Variants in C17orf99 observed in about 807,000 individuals in gnomAD.
The protein encoded by C17orf99 is chromosome 17 open reading frame 99.
Under a neutral mutation model 22.6 loss-of-function variants are expected in C17orf99, and 18 were observed. That is an observed-to-expected ratio of 0.80 (90% CI 0.55 to 1.18). The LOEUF (loss-of-function observed/expected upper bound fraction) is 1.18, where lower values mean the gene tolerates loss of function less well. Among genes scored for constraint, C17orf99 ranks in the 50% most tolerant of loss-of-function variants. The pLI, the probability that C17orf99 is intolerant of heterozygous loss-of-function variation, is 0.00. For synonymous variants in C17orf99, 147 were observed against 136.6 expected (o/e 1.08, Z -0.53); for missense variants, 328 against 342.7 (o/e 0.96, Z 0.34).
rs773009135 is a variant in C17orf99, at chr17:78,146,401, C to A, written c.-7C>A. 17 of 1,550,244 alleles carry A rather than the reference C, an allele frequency of 1.1e-5. No individual in the cohort carries two copies. In the South Asian group the frequency reaches 1.3e-4, roughly 12 times the overall value. On this transcript the variant is annotated 5_prime_UTR_variant, in exon 1 of 5. Coordinates refer to ENST00000340363, the MANE Select transcript of C17orf99 (RefSeq NM_001163075.2). The surrounding 1 kb of genome is among the most constrained non-coding windows in gnomAD (Gnocchi z 5.2). ...TGCCCGAGCAGAGGCCCTACACCCACCGAGGCATGGGGCTCCCTGGGCTGT... is the reference window on the plus strand; with the variant it reads ...TGCCCGAGCAGAGGCCCTACACCCAACGAGGCATGGGGCTCCCTGGGCTGT...
intron 2 of C17orf99, among the ~76,000 whole-genome samples, chr17:78,153,693 C>T (rs1386534406): frequency 2.6e-5 from 4 of 152,106 alleles, no homozygotes; most frequent in Non-Finnish European, 4.4e-5. Flanking sequence ...CAGCCCTGGA[C>T]GCCCACTTCC....
chr17:78,151,020 G>A (rs1045327917), intron 2 of C17orf99, among the ~76,000 whole-genome samples: 1 of 152,072 alleles, frequency 6.6e-6, no homozygotes, highest in Admixed American at 6.6e-5. Flanking sequence ...CTACTCAGGA[G>A]GCTGAGGCAG....
At chr17:78,157,147 T>C (rs767760569) in intron 2 of C17orf99, among the ~76,000 whole-genome samples, 39 of 150,686 alleles carry the variant, frequency 2.6e-4, no homozygotes, top group Non-Finnish European at 4.9e-4. Flanking sequence ...CTAACCAACA[T>C]AGTGAAACTC....
chr17:78,164,857 G>A (rs537417184), intron 4 of C17orf99: 2 of 1,192,342 alleles, frequency 1.7e-6, no homozygotes, highest in South Asian at 3.2e-5. Flanking sequence ...TGTGCCTACT[G>A]AGGCTTACAC....
chr17:78,158,785 G>A (rs1314294996), intron 2 of C17orf99: 3 of 165,890 alleles, frequency 1.8e-5, no homozygotes, highest in Non-Finnish European at 4.4e-5. Flanking sequence ...TGCTGCTTGT[G>A]GTTTAGTTTT....
intron 4 of C17orf99, 95 bp downstream of exon 4, chr17:78,164,459 G>A: frequency 6.5e-7 from 1 of 1,547,422 alleles, no homozygotes; most frequent in Non-Finnish European, 8.7e-7. Context: ...AAGTGGGACA[G>A]CTCTACCCGG....
intron 3 of C17orf99, 134 bp from the exon 4 acceptor site, chr17:78,163,961 T>G (rs1317823179): frequency 1.3e-6 from 1 of 753,864 alleles, no homozygotes; most frequent in Non-Finnish European, 2.3e-6. Context: ...GAGGGCAAAC[T>G]CTAGAAGGCG....
intron 2 of C17orf99, among the ~76,000 whole-genome samples, chr17:78,159,336 TTAAA>T (rs201505959): frequency 7.9e-5 from 12 of 151,682 alleles, no homozygotes; most frequent in Non-Finnish European, 1.2e-4. Context: ...GACTCTGTCT[TTAAA>T]TAAATAAATA....
intron 4 of C17orf99, 101 bp downstream of exon 4, chr17:78,164,465 C>A (rs1183311002): frequency 1.9e-6 from 3 of 1,546,808 alleles, no homozygotes; most frequent in Non-Finnish European, 2.6e-6. Context: ...GACAGCTCTA[C>A]CCGGCCACTG....
chr17:78,162,398 T>C (rs1209587051), intron 3 of C17orf99, among the ~76,000 whole-genome samples: 1 of 150,364 alleles, frequency 6.7e-6, no homozygotes, highest in African/African-American at 2.5e-5. Context: ...TGATAGTAAC[T>C]CAGGTAACCT....
chr17:78,161,043 G>A lies in C17orf99; in HGVS notation c.159G>A (p.Gln53=). ...TGCTCATAACCTGCTGTGCACCCCA[G>A]CCACCACCGCCCATCACCTATTCCC... The part of the protein sequence containing the change: ...RWVLITCCAP[Q]PPPPITYSLC... Residue 53 remains glutamine (Q), a synonymous_variant, in exon 3 of 5, where the codon CAG becomes CAA. Coordinates refer to ENST00000340363, the MANE Select transcript of C17orf99 (RefSeq NM_001163075.2). The A allele has an allele frequency of 6.4e-7, 1 of 1,551,630 alleles. No individual in the cohort carries two copies. The highest frequency in any genetic ancestry group is 8.7e-7 in the Non-Finnish European group (1 of 1,146,964).
chr17:78,164,990 G>A (rs2075607448), intron 4 of C17orf99: 2 of 1,101,422 alleles, frequency 1.8e-6, no homozygotes, highest in South Asian at 2.2e-5. Context: ...CAGGGATGAT[G>A]CCTCCAGGAG....
intron 4 of C17orf99, chr17:78,165,084 A>T: frequency 1.9e-6 from 2 of 1,050,698 alleles, no homozygotes; most frequent in Non-Finnish European, 2.3e-6. Flanking sequence ...CCTGGGGCCC[A>T]GCCTCCCAGG....
At chr17:78,155,628 T>A (rs1369637639) in intron 2 of C17orf99, among the ~76,000 whole-genome samples, 1 of 151,976 alleles carries the variant, frequency 6.6e-6, no homozygotes, top group Admixed American at 6.6e-5. Flanking sequence ...ATACACACTA[T>A]TCTTTTTCTT....
chr17:78,156,487 G>C (rs1020546778), intron 2 of C17orf99, among the ~76,000 whole-genome samples: 3 of 152,070 alleles, frequency 2.0e-5, no homozygotes, highest in Non-Finnish European at 4.4e-5. Context: ...GGCGTAGGTG[G>C]GTGAAGGCCT....
In C17orf99 at chr17:78,146,407, C is replaced by G; in HGVS notation, c.-1C>G. On this transcript the variant is annotated 5_prime_UTR_variant, in exon 1 of 5. Coordinates refer to ENST00000340363, the MANE Select transcript of C17orf99 (RefSeq NM_001163075.2). The surrounding 1 kb of genome is among the most constrained non-coding windows in gnomAD (Gnocchi z 5.2). ...AGCAGAGGCCCTACACCCACCGAGG[C>G]ATGGGGCTCCCTGGGCTGTTCTGCT... 1.3e-6 allele frequency: 2 copies of G among 1,550,408 alleles called. No homozygotes were observed. The highest frequency in any genetic ancestry group is 1.7e-6 in the Non-Finnish European group (2 of 1,146,836).
chr17:78,165,716 C>T, intron 4 of C17orf99, 173 bp from the exon 5 acceptor site: 2 of 1,047,024 alleles, frequency 1.9e-6, no homozygotes, highest in Non-Finnish European at 1.2e-6. Flanking sequence ...GCAGGAGAAT[C>T]ACTTGAACCC....
chr17:78,150,478 C>T (rs760600247), intron 2 of C17orf99, among the ~76,000 whole-genome samples: 16 of 152,124 alleles, frequency 1.1e-4, no homozygotes, highest in Non-Finnish European at 2.4e-4. Flanking sequence ...GCAAGTATAG[C>T]ATTAAGCATG....
rs61377640 is a variant in C17orf99, at chr17:78,166,155, C to CAAAAA, written c.*127_*131dup. 9 of 145,694 alleles carry CAAAAA rather than the reference C, an allele frequency of 6.2e-5. No homozygotes were observed. The highest frequency in any genetic ancestry group is 1.4e-4 in the East Asian group (1 of 7,306). 9.0% of individuals were successfully genotyped at this position (145,694 alleles called of 1,614,324 possible). Reference sequence around the variant, plus strand: ...GAGTGTGTTTTAGCTGCTCTTGCCACAAAAAAAAAAAAAAAAAAAAAAGGG... The same window carrying CAAAAA: ...GAGTGTGTTTTAGCTGCTCTTGCCACAAAAAAAAAAAAAAAAAAAAAAAAAAAGGG... On this transcript the variant is annotated 3_prime_UTR_variant, in exon 5 of 5. Coordinates refer to ENST00000340363, the MANE Select transcript of C17orf99 (RefSeq NM_001163075.2).
Sources: allele counts gnomAD v4.1 joint callset (sites outside exome capture counted in the v4.1 genomes callset), GRCh38; gene constraint gnomAD v4.1.1; non-coding constraint Gnocchi (gnomAD v3.1); transcripts MANE v1.5; gene names NCBI Gene and HGNC (gene_info 2026-07-23, HGNC 2026-07-21).